SAMD5: variants seen among roughly 807,000 people sequenced by gnomAD.
SAMD5 encodes sterile alpha motif domain containing 5, also known as sterile alpha motif domain-containing protein 5.
SAMD5 carries 13 observed loss-of-function variants against 11.3 expected under a neutral mutation model. The ratio of observed to expected loss-of-function variants is 1.15; its 90% CI spans 0.75 to 1.83. The LOEUF (loss-of-function observed/expected upper bound fraction) is 1.83, where lower values mean the gene tolerates loss of function less well. SAMD5 is among the 40% of genes most tolerant of loss of function. The pLI, the probability that SAMD5 is intolerant of heterozygous loss-of-function variation, is 0.00. For synonymous variants in SAMD5, 129 were observed against 111.3 expected, an observed-to-expected ratio of 1.16 and a Z score of -1.00; for missense variants, 255 against 239.1, an observed-to-expected ratio of 1.07 and a Z score of -0.44.
the SAMD5 span, among the ~76,000 whole-genome samples, chr6:147,913,052 T>G: frequency 6.6e-6 from 1 of 152,172 alleles, no homozygotes; most frequent in African/African-American, 2.4e-5. Flanking sequence ...TCACTCTCTA[T>G]CCTTTCAATC....
chr6:147,632,422 C>T (rs974661367), intron 1 of SAMD5, among the ~76,000 whole-genome samples: 10 of 152,034 alleles, frequency 6.6e-5, no homozygotes, highest in South Asian at 2.1e-4. Context: ...GCAATGAGTT[C>T]GGCTTGCTGA....
chr6:147,713,094 ATGTT>A (rs200853925), intron 1 of SAMD5, among the ~76,000 whole-genome samples: 5,889 of 152,308 alleles, frequency 0.039, 170 homozygotes, highest in Non-Finnish European at 0.058. Context: ...AAAGGAAAGA[ATGTT>A]TGTGTTTGAT....
intron 1 of SAMD5, among the ~76,000 whole-genome samples, chr6:147,636,963 A>G (rs9497833): frequency 0.03 from 4,627 of 152,170 alleles, 224 homozygotes; most frequent in African/African-American, 0.11. Flanking sequence ...GTGTCTTACA[A>G]TCACTCATCC....
At chr6:147,522,929 G>A (rs1351778834) in intron 1 of SAMD5, among the ~76,000 whole-genome samples, 2 of 152,148 alleles carry the variant, frequency 1.3e-5, no homozygotes, top group South Asian at 2.1e-4. Context: ...AGACTGTGAG[G>A]GGGCAAGGAG....
At chr6:147,728,156 C>CGG (rs34071262) in intron 1 of SAMD5, among the ~76,000 whole-genome samples, 79,146 of 151,840 alleles carry the variant, frequency 0.52, 21,401 homozygotes, top group Middle Eastern at 0.63. Flanking sequence ...CTGGGCCCAG[C>CGG]GGCTCACACC....
At chr6:147,861,459 C>T in the SAMD5 span, among the ~76,000 whole-genome samples, 3 of 152,162 alleles carry the variant, frequency 2.0e-5, no homozygotes, top group African/African-American at 7.2e-5. Context: ...AGCCACCACG[C>T]CCAACCCACT....
chr6:147,624,861 A>G (rs1293062794), intron 1 of SAMD5, among the ~76,000 whole-genome samples: 2 of 142,718 alleles, frequency 1.4e-5, no homozygotes, highest in East Asian at 4.1e-4. Flanking sequence ...TGTTTCCCAA[A>G]AACCTATGGA....
At chr6:147,922,350 A>G in the SAMD5 span, among the ~76,000 whole-genome samples, 3 of 152,200 alleles carry the variant, frequency 2.0e-5, no homozygotes, top group Non-Finnish European at 4.4e-5. Context: ...TAAAGCAGTT[A>G]AAAGCATTTG....
intron 1 of SAMD5, among the ~76,000 whole-genome samples, chr6:147,617,973 G>T (rs928276232): frequency 2.6e-5 from 4 of 152,156 alleles, no homozygotes; most frequent in Non-Finnish European, 2.9e-5. Context: ...TTAGCCTTTT[G>T]TTCAACAAAC....
the SAMD5 span, among the ~76,000 whole-genome samples, chr6:147,878,594 TAC>T: frequency 6.8e-6 from 1 of 146,448 alleles, no homozygotes; most frequent in Non-Finnish European, 1.5e-5. Flanking sequence ...TAGATATATA[TAC>T]ATATATATCT....
chr6:147,726,821 T>C (rs528507022), intron 1 of SAMD5, among the ~76,000 whole-genome samples: 4 of 152,352 alleles, frequency 2.6e-5, no homozygotes, highest in Non-Finnish European at 5.9e-5. Flanking sequence ...CGGCAGCACC[T>C]GGCTTGTTAT....
chr6:147,580,742 A>G (rs60047342), intron 1 of SAMD5, among the ~76,000 whole-genome samples: 1,957 of 152,324 alleles, frequency 0.013, 35 homozygotes, highest in African/African-American at 0.043. Flanking sequence ...TTGACAATAT[A>G]TATCTGGTGA....
At chr6:147,905,308 A>C in the SAMD5 span, among the ~76,000 whole-genome samples, 1,151 of 152,092 alleles carry the variant, frequency 7.6e-3, 18 homozygotes, top group African/African-American at 0.026. Flanking sequence ...CAGCCTCCGG[A>C]GCAGCTGGGA....
chr6:147,810,467 T>C, the SAMD5 span, among the ~76,000 whole-genome samples: 3 of 152,116 alleles, frequency 2.0e-5, no homozygotes, highest in Admixed American at 2.0e-4. Context: ...GGCAGCACAA[T>C]TGTGAGCTGG....
At chr6:147,634,713 A>G (rs1359138941) in intron 1 of SAMD5, among the ~76,000 whole-genome samples, 1 of 152,210 alleles carries the variant, frequency 6.6e-6, no homozygotes, top group East Asian at 1.9e-4. Context: ...TTTTCATCCC[A>G]TAGAATGCAG....
intron 1 of SAMD5, among the ~76,000 whole-genome samples, chr6:147,735,828 T>C (rs1366737866): frequency 2.6e-5 from 4 of 152,202 alleles, no homozygotes; most frequent in Admixed American, 2.6e-4. Context: ...TTATTTGTTT[T>C]CATATGTTCA....
chr6:147,539,300 T>C (rs2128441846), intron 1 of SAMD5, among the ~76,000 whole-genome samples: 1 of 152,258 alleles, frequency 6.6e-6, no homozygotes, highest in Admixed American at 6.5e-5. Flanking sequence ...CATCTCCCAG[T>C]CGCGGGCGAG....
At chr6:147,597,953 C>T (rs1288255345) in intron 1 of SAMD5, among the ~76,000 whole-genome samples, 1 of 152,190 alleles carries the variant, frequency 6.6e-6, no homozygotes, top group Non-Finnish European at 1.5e-5. Flanking sequence ...CAGCCCTGCA[C>T]AGCTGCTCCT....
the SAMD5 span, among the ~76,000 whole-genome samples, chr6:147,837,974 G>T: frequency 1.3e-5 from 2 of 151,674 alleles, no homozygotes; most frequent in Non-Finnish European, 2.9e-5. Flanking sequence ...TTTCTTTCTT[G>T]CCCTTCTTCC....
Sources: gnomAD v4.1 joint callset for allele counts (sites outside exome capture counted in the v4.1 genomes callset) on GRCh38, gnomAD v4.1.1 for gene constraint, MANE v1.5 for transcripts, NCBI Gene and HGNC (gene_info 2026-07-23, HGNC 2026-07-21) for gene names.